The following ACKR3 variants were observed in gnomAD, a reference collection of about 807,000 sequenced individuals.
ACKR3 encodes the protein C-X-C chemokine receptor type 7.
Under a neutral mutation model 22.4 loss-of-function variants are expected in ACKR3, and 6 were observed. The observed-to-expected ratio is 0.27, with a 90% CI of 0.15 to 0.53. The LOEUF (loss-of-function observed/expected upper bound fraction) is 0.53. Ranked by LOEUF, ACKR3 falls within the 20% of genes least tolerant of loss-of-function variation. The probability of loss-of-function intolerance (pLI) is 0.96; values close to 1 mark genes in which losing one functional copy is unlikely to be tolerated. For synonymous variants in ACKR3, 209 were observed against 205.2 expected, an observed-to-expected ratio of 1.02 and a Z score of -0.16; for missense variants, 396 against 475.2, an observed-to-expected ratio of 0.83 and a Z score of 1.55.
intron 1 of ACKR3, among the ~76,000 whole-genome samples, chr2:236,578,002 C>G (rs982345518): frequency 6.6e-6 from 1 of 152,196 alleles, no homozygotes; most frequent in Non-Finnish European, 1.5e-5. Flanking sequence ...TTTTGGAAAC[C>G]AAGCCATGAT....
At chr2:236,575,249 T>C (rs1691383201) in intron 1 of ACKR3, among the ~76,000 whole-genome samples, 1 of 152,220 alleles carries the variant, frequency 6.6e-6, no homozygotes, top group South Asian at 2.1e-4. Flanking sequence ...TCTCCTTTTG[T>C]TCCCTCCTCC....
At chr2:236,569,034 G>T (rs1263711102), upstream of ACKR3, among the ~76,000 whole-genome samples, 2 of 152,200 alleles carry the variant, frequency 1.3e-5, no homozygotes, top group African/African-American at 4.8e-5. Flanking sequence ...GAATTCCTCC[G>T]TGGGGGGAAC....
Position 236,577,860 on chromosome 2 carries a change from A to C in ACKR3, c.-26-2580A>C, listed in dbSNP as rs371439394. Among the ~76,000 whole-genome samples, 12 of 152,162 alleles carry C rather than the reference A, an allele frequency of 7.9e-5. No homozygotes were observed. The highest frequency in any genetic ancestry group is 2.9e-4 in the African/African-American group (12 of 41,450). ...CAGTGGGGACAGAGCAGGGAGCCCA[A>C]GCCAGGCGCCAGCCGAGCTCCCTCT... On this transcript the variant is annotated intron_variant, in intron 1 of 1. Transcript: ENST00000272928. This position sits in a 1 kb window ranked among gnomAD's most constrained non-coding sequence, Gnocchi z 5.6.
upstream of ACKR3, among the ~76,000 whole-genome samples, chr2:236,566,997 T>TCCTTCCC (rs1691199581): frequency 1.3e-5 from 2 of 151,324 alleles, no homozygotes; most frequent in Non-Finnish European, 2.9e-5. Context: ...CTTCCTTCCT[T>TCCTTCCC]CCTTCCCCCT....
chr2:236,557,728 G>A, the ACKR3 span, among the ~76,000 whole-genome samples: 1 of 152,146 alleles, frequency 6.6e-6, no homozygotes, highest in Non-Finnish European at 1.5e-5. Context: ...TAATGACATA[G>A]AGAAAAGGGA....
At chr2:236,559,868 T>G in the ACKR3 span, among the ~76,000 whole-genome samples, 2 of 152,214 alleles carry the variant, frequency 1.3e-5, no homozygotes, top group African/African-American at 4.8e-5. Flanking sequence ...TTTTGGACTC[T>G]CTATTTTGTT....
At chr2:236,560,372 A>C in the ACKR3 span, among the ~76,000 whole-genome samples, 1 of 117,768 alleles carries the variant, frequency 8.5e-6, no homozygotes, top group South Asian at 2.6e-4. Context: ...GTGATATTTC[A>C]TTGTGATTTT....
chr2:236,564,797 C>A (rs966398041), upstream of ACKR3, among the ~76,000 whole-genome samples: 1 of 152,092 alleles, frequency 6.6e-6, no homozygotes. Flanking sequence ...AAATCGGGCA[C>A]GCTTGGATTG....
At chr2:236,561,147 A>G in the ACKR3 span, among the ~76,000 whole-genome samples, 1 of 152,208 alleles carries the variant, frequency 6.6e-6, no homozygotes, top group African/African-American at 2.4e-5. Flanking sequence ...ACTAGAGGCG[A>G]GAGTTTGGGG....
the ACKR3 span, among the ~76,000 whole-genome samples, chr2:236,545,171 T>C: frequency 6.6e-6 from 1 of 152,320 alleles, no homozygotes; most frequent in South Asian, 2.1e-4. This position sits in a 1 kb window ranked among gnomAD's most constrained non-coding sequence, Gnocchi z 5.3. Context: ...TCGTCATCTT[T>C]AGAAGCTTCC....
rs1405967531 is a variant in ACKR3 at position 236,574,786 on chromosome 2, T to C, written c.-27+4862T>C. Among the ~76,000 whole-genome samples, 2 of 152,116 alleles carry C rather than the reference T, an allele frequency of 1.3e-5. No homozygotes were observed. Among genetic ancestry groups the C allele is most frequent in the Non-Finnish European group, 2.9e-5 (2 of 68,016 alleles). On this transcript the variant is annotated intron_variant, in intron 1 of 1. Transcript: ENST00000272928. This position sits in a 1 kb window ranked among gnomAD's most constrained non-coding sequence, Gnocchi z 5.6. ...GCAGCACGGTCGTTGTCAAGGATAC[T>C]TGGTTGATGAATAAAACATCCCAGA...
At chr2:236,579,620 A>T (rs763423062) in intron 1 of ACKR3, among the ~76,000 whole-genome samples, 44 of 152,330 alleles carry the variant, frequency 2.9e-4, no homozygotes, top group Admixed American at 8.5e-4. Flanking sequence ...GAAATGCAGC[A>T]GGTGGTGATT....
the ACKR3 span, among the ~76,000 whole-genome samples, chr2:236,560,449 T>C: frequency 6.6e-6 from 1 of 152,078 alleles, no homozygotes; most frequent in Non-Finnish European, 1.5e-5. Context: ...TCTTTTTTCA[T>C]ATGCTGATTT....
At chr2:236,580,313 A>G in intron 1 of ACKR3, 127 bp from the exon 2 acceptor site, 2 of 909,744 alleles carry the variant, frequency 2.2e-6, no homozygotes, top group Admixed American at 2.8e-5. Context: ...CAAAGACATT[A>G]CAGAGCTAAA....
the ACKR3 span, among the ~76,000 whole-genome samples, chr2:236,548,643 A>T: frequency 3.2e-3 from 485 of 152,286 alleles, no homozygotes; most frequent in Non-Finnish European, 5.3e-3. The surrounding 1 kb of genome is among the most constrained non-coding windows in gnomAD (Gnocchi z 4.3). Flanking sequence ...GAGCAAGGAC[A>T]CTGTAAACCT....
chr2:236,559,811 C>G, the ACKR3 span, among the ~76,000 whole-genome samples: 1 of 152,188 alleles, frequency 6.6e-6, no homozygotes, highest in East Asian at 1.9e-4. Flanking sequence ...TCAACCGTCA[C>G]ATGGTGTTTT....
chr2:236,556,863 T>C, the ACKR3 span, among the ~76,000 whole-genome samples: 1,304 of 152,262 alleles, frequency 8.6e-3, 20 homozygotes, highest in African/African-American at 0.03. Context: ...AATTTTTGTA[T>C]TTTTAGTAGA....
the ACKR3 span, among the ~76,000 whole-genome samples, chr2:236,552,186 T>C: frequency 6.6e-6 from 1 of 152,072 alleles, no homozygotes; most frequent in Non-Finnish European, 1.5e-5. Context: ...AAATGTGCAT[T>C]GTGAGCCCTT....
At chr2:236,576,394 C>T (rs1472208735) in intron 1 of ACKR3, among the ~76,000 whole-genome samples, 3 of 152,218 alleles carry the variant, frequency 2.0e-5, no homozygotes, top group African/African-American at 7.2e-5. Context: ...TTGAGGGGAC[C>T]TGTGATTTCT....
Sources: allele counts gnomAD v4.1 joint callset (sites outside exome capture counted in the v4.1 genomes callset), GRCh38; gene constraint gnomAD v4.1.1; non-coding constraint Gnocchi (gnomAD v3.1); transcripts MANE v1.5; gene names NCBI Gene and HGNC (gene_info 2026-07-23, HGNC 2026-07-21).